The following TMEM116 variants were observed in gnomAD, a reference collection of about 807,000 sequenced individuals.
TMEM116 encodes the protein transmembrane protein 116.
A neutral mutation model predicts 44.3 loss-of-function variants in TMEM116; 38 were observed. The ratio of observed to expected loss-of-function variants is 0.86; its 90% CI spans 0.66 to 1.12. The LOEUF is 1.12. TMEM116 is among the 50% of genes most tolerant of loss of function. The pLI is 0.00. For missense variants in TMEM116, 354 were observed against 401.7 expected (o/e 0.88, Z 1.01); for synonymous variants, 132 against 144.8 (o/e 0.91, Z 0.64).
chr12:111,982,335 C>G (rs1288052126), intron 4 of TMEM116, among the ~76,000 whole-genome samples: 1 of 147,684 alleles, frequency 6.8e-6, no homozygotes, highest in African/African-American at 2.5e-5. Context: ...GAGTCTTGCT[C>G]TGTTGCCCAG....
intron 4 of TMEM116, among the ~76,000 whole-genome samples, chr12:111,959,261 G>A (rs905602504): frequency 1.5e-4 from 23 of 152,172 alleles, no homozygotes; most frequent in African/African-American, 2.7e-4. Context: ...CTTCATAAGT[G>A]AAGGATAAAT....
At chr12:111,981,119 T>C (rs910827418) in intron 4 of TMEM116, among the ~76,000 whole-genome samples, 2 of 151,700 alleles carry the variant, frequency 1.3e-5, no homozygotes, top group Non-Finnish European at 2.9e-5. Context: ...TTTGCCATTA[T>C]ACCTCAATTA....
At chr12:112,005,815 G>T (rs2077549116) in intron 1 of TMEM116, 1 of 879,590 alleles carries the variant, frequency 1.1e-6, no homozygotes. Context: ...GGTAGAAAGA[G>T]GAAAGATAGA....
intron 7 of TMEM116, 99 bp from the exon 8 acceptor site, chr12:111,936,929 T>C: frequency 7.4e-7 from 1 of 1,344,000 alleles, no homozygotes; most frequent in Non-Finnish European, 1.0e-6. Flanking sequence ...ATCATTTTGC[T>C]AACTCTTGCT....
At chr12:111,958,110 T>A (rs1295949125) in intron 4 of TMEM116, among the ~76,000 whole-genome samples, 2 of 150,998 alleles carry the variant, frequency 1.3e-5, no homozygotes, top group Non-Finnish European at 3.0e-5. Flanking sequence ...CTCCCTAATC[T>A]CAACTACCCA....
chr12:111,978,807 GTTGT>G (rs779381641), intron 4 of TMEM116: 86 of 433,240 alleles, frequency 2.0e-4, no homozygotes, highest in Middle Eastern at 3.3e-4. Flanking sequence ...ATAAATGCCT[GTTGT>G]TTAAGTCACA....
intron 4 of TMEM116, among the ~76,000 whole-genome samples, chr12:111,944,736 A>AATCCT (rs1160875758): frequency 1.3e-5 from 2 of 152,164 alleles, no homozygotes; most frequent in African/African-American, 4.8e-5. Flanking sequence ...CCAGAGAAAG[A>AATCCT]ATCCTCAGAA....
intron 4 of TMEM116, among the ~76,000 whole-genome samples, chr12:111,952,071 A>C (rs1002701112): frequency 2.1e-4 from 32 of 152,078 alleles, no homozygotes; most frequent in African/African-American, 7.5e-4. Context: ...TCTACTAAAA[A>C]TACAAAAATT....
intron 4 of TMEM116, among the ~76,000 whole-genome samples, chr12:111,960,900 G>T (rs2074542522): frequency 6.6e-6 from 1 of 152,012 alleles, no homozygotes; most frequent in Admixed American, 6.6e-5. Flanking sequence ...CTGATTTTTT[G>T]AAAAGATTAA....
intron 4 of TMEM116, among the ~76,000 whole-genome samples, chr12:111,984,970 A>T (rs1252758943): frequency 6.6e-6 from 1 of 152,038 alleles, no homozygotes; most frequent in Non-Finnish European, 1.5e-5. Context: ...ATAAAAAAAC[A>T]TAATAAAGTC....
intron 4 of TMEM116, among the ~76,000 whole-genome samples, chr12:111,988,540 A>G (rs1593556844): frequency 6.6e-6 from 1 of 151,542 alleles, no homozygotes; most frequent in Admixed American, 6.6e-5. Context: ...AAAATACAAA[A>G]AAAAAAAAAT....
chr12:112,001,480 T>G (rs368756940), intron 3 of TMEM116, among the ~76,000 whole-genome samples: 3 of 152,176 alleles, frequency 2.0e-5, no homozygotes, highest in East Asian at 3.9e-4. Flanking sequence ...CCTGGACCAT[T>G]TGGCATTGTT....
chr12:111,945,073 T>TA (rs1231486290), intron 4 of TMEM116, among the ~76,000 whole-genome samples: 838 of 56,468 alleles, frequency 0.015, 24 homozygotes, highest in African/African-American at 0.041. Context: ...AGACTCCATC[T>TA]AAAAAAAAAA....
intron 4 of TMEM116, among the ~76,000 whole-genome samples, chr12:111,948,147 A>G (rs938240153): frequency 3.3e-5 from 5 of 152,202 alleles, no homozygotes; most frequent in African/African-American, 1.2e-4. Flanking sequence ...CTTTTCTCAG[A>G]GGTTAATTTA....
chr12:112,006,717 A>AG (rs2077602060), intron 1 of TMEM116, among the ~76,000 whole-genome samples: 1 of 152,234 alleles, frequency 6.6e-6, no homozygotes, highest in African/African-American at 2.4e-5. Context: ...TACACAGAGT[A>AG]GCATTCAAAG....
At chr12:111,973,131 C>CT (rs1432747949) in intron 4 of TMEM116, among the ~76,000 whole-genome samples, 1 of 151,876 alleles carries the variant, frequency 6.6e-6, no homozygotes, top group Admixed American at 6.6e-5. Context: ...GGGTGGGACT[C>CT]TGTCTCAAAA....
chr12:111,956,124 A>G (rs1185117570), intron 4 of TMEM116, among the ~76,000 whole-genome samples: 1 of 152,228 alleles, frequency 6.6e-6, no homozygotes. Context: ...AGTTCAGTGA[A>G]GTGGCATAAG....
chr12:111,946,105 AC>A lies in TMEM116; in HGVS notation c.211-2737del, dbSNP rs2073251723. On this transcript the variant is annotated intron_variant, in intron 4 of 10. Transcript: ENST00000552374. Reference sequence around the variant, plus strand: ...TAGAACAATGTTTTCCTCTAGTATAACTTGATTCTGTACTCCTGGATTTTCT... The same window carrying A: ...TAGAACAATGTTTTCCTCTAGTATAATTGATTCTGTACTCCTGGATTTTCT... Among the ~76,000 whole-genome samples the A allele has an allele frequency of 2.0e-5, 3 of 152,292 alleles. No homozygotes were observed. In the South Asian group the frequency reaches 6.2e-4, roughly 32 times the overall value.
intron 4 of TMEM116, among the ~76,000 whole-genome samples, chr12:111,972,808 G>A (rs756943574): frequency 5.9e-5 from 9 of 152,138 alleles, no homozygotes; most frequent in Non-Finnish European, 1.2e-4. Context: ...CCCAGGAGGA[G>A]GAGGTTGCAG....
Sources: gnomAD v4.1 joint callset for allele counts (sites outside exome capture counted in the v4.1 genomes callset) on GRCh38, gnomAD v4.1.1 for gene constraint, MANE v1.5 for transcripts, NCBI Gene and HGNC (gene_info 2026-07-23, HGNC 2026-07-21) for gene names.